Variants in KCNQ3 observed in about 807,000 individuals in gnomAD.
The protein encoded by KCNQ3 is potassium voltage-gated channel subfamily KQT member 3.
Under a neutral mutation model 92.5 loss-of-function variants are expected in KCNQ3, and 30 were observed. That is an observed-to-expected ratio of 0.32 (90% CI 0.24 to 0.44). KCNQ3 has a LOEUF of 0.44. KCNQ3 is among the 20% of genes least tolerant of loss of function. The probability of loss-of-function intolerance (pLI) is 1.00; values close to 1 mark genes in which losing one functional copy is unlikely to be tolerated. For synonymous variants in KCNQ3, 450 were observed against 468.8 expected (o/e 0.96, Z 0.52); for missense variants, 913 against 1,140.3 (o/e 0.80, Z 2.87).
At chr8:132,183,090 C>G (rs1026193578) in intron 3 of KCNQ3, among the ~76,000 whole-genome samples, 3 of 152,192 alleles carry the variant, frequency 2.0e-5, no homozygotes, top group Non-Finnish European at 4.4e-5. Context: ...TCCAGCTCTT[C>G]TCTGAGCTGG....
chr8:132,231,084 C>G (rs915608706), intron 1 of KCNQ3, among the ~76,000 whole-genome samples: 3 of 152,064 alleles, frequency 2.0e-5, no homozygotes, highest in Non-Finnish European at 4.4e-5. Flanking sequence ...GGCCATGCGA[C>G]CAGAATGATG....
At chr8:132,351,402 G>A (rs1377295034) in intron 1 of KCNQ3, among the ~76,000 whole-genome samples, 1 of 152,122 alleles carries the variant, frequency 6.6e-6, no homozygotes, top group Non-Finnish European at 1.5e-5. Context: ...AATCCAAATG[G>A]AAAGCAATCT....
chr8:132,214,127 G>T (rs1233511625), intron 1 of KCNQ3, among the ~76,000 whole-genome samples: 2 of 152,124 alleles, frequency 1.3e-5, no homozygotes, highest in African/African-American at 4.8e-5. Context: ...TCCTGGCTGT[G>T]CCCCCAAATC....
chr8:132,225,701 T>C (rs555876316), intron 1 of KCNQ3, among the ~76,000 whole-genome samples: 2 of 152,250 alleles, frequency 1.3e-5, no homozygotes, highest in South Asian at 4.1e-4. Context: ...AAGTGGCAAA[T>C]GCTATGAATC....
chr8:132,337,679 C>T (rs1818402884), intron 1 of KCNQ3, among the ~76,000 whole-genome samples: 1 of 152,112 alleles, frequency 6.6e-6, no homozygotes, highest in South Asian at 2.1e-4. Context: ...CCCAGACCTG[C>T]CGACCTTGCA....
At chr8:132,130,357 A>G (rs1423453167) in intron 14 of KCNQ3, among the ~76,000 whole-genome samples, 1 of 152,178 alleles carries the variant, frequency 6.6e-6, no homozygotes, top group Non-Finnish European at 1.5e-5. Context: ...GATTACAGGC[A>G]TGAACCACCG....
chr8:132,375,386 T>C (rs1356727645), intron 1 of KCNQ3, among the ~76,000 whole-genome samples: 2 of 152,210 alleles, frequency 1.3e-5, no homozygotes, highest in African/African-American at 4.8e-5. Flanking sequence ...TCTGGTTTAA[T>C]AGGAGACAGC....
intron 9 of KCNQ3, among the ~76,000 whole-genome samples, chr8:132,161,199 T>C (rs1825973808): frequency 6.6e-6 from 1 of 152,278 alleles, no homozygotes; most frequent in South Asian, 2.1e-4. Flanking sequence ...ATTTTTCTTA[T>C]CCCCAATATA....
chr8:132,254,688 G>C (rs1417657500), intron 1 of KCNQ3, among the ~76,000 whole-genome samples: 1 of 152,120 alleles, frequency 6.6e-6, no homozygotes, highest in African/African-American at 2.4e-5. Flanking sequence ...AGACCAGCCT[G>C]GCCAACATAG....
chr8:132,262,963 T>C (rs1815839825), intron 1 of KCNQ3, among the ~76,000 whole-genome samples: 1 of 152,146 alleles, frequency 6.6e-6, no homozygotes, highest in African/African-American at 2.4e-5. Context: ...CTCATTTCAG[T>C]CAAGGGACCT....
At chr8:132,451,367 C>T (rs1821817608) in intron 1 of KCNQ3, among the ~76,000 whole-genome samples, 1 of 152,182 alleles carries the variant, frequency 6.6e-6, no homozygotes, top group Non-Finnish European at 1.5e-5. Context: ...TGAGAACAAA[C>T]TAACACAATC....
At chr8:132,164,599 G>A (rs541713999) in intron 8 of KCNQ3, among the ~76,000 whole-genome samples, 1 of 152,224 alleles carries the variant, frequency 6.6e-6, no homozygotes, top group South Asian at 2.1e-4. Context: ...ACAATAAAGT[G>A]ATGAGTTAGT....
At chr8:132,478,617 C>T (rs910135492) in intron 1 of KCNQ3, among the ~76,000 whole-genome samples, 11 of 145,590 alleles carry the variant, frequency 7.6e-5, no homozygotes, top group African/African-American at 2.1e-4. Context: ...CCCCGACCAA[C>T]ACCTGCAAAT....
intron 1 of KCNQ3, among the ~76,000 whole-genome samples, chr8:132,237,082 C>T (rs1399417400): frequency 6.6e-6 from 1 of 152,206 alleles, no homozygotes; most frequent in East Asian, 1.9e-4. Context: ...GAGAATCTAG[C>T]AATGTTATCC....
At chr8:132,438,777 G>C (rs751359616) in intron 1 of KCNQ3, among the ~76,000 whole-genome samples, 3 of 151,960 alleles carry the variant, frequency 2.0e-5, no homozygotes, top group Non-Finnish European at 4.4e-5. Context: ...GATAGCTGCC[G>C]TGTGTTGTTC....
chr8:132,389,923 A>G (rs1325496056), intron 1 of KCNQ3, among the ~76,000 whole-genome samples: 1 of 152,266 alleles, frequency 6.6e-6, no homozygotes, highest in African/African-American at 2.4e-5. Flanking sequence ...GTACCTAGGT[A>G]CAAACTTTGC....
At chr8:132,267,039 T>C (rs932312402) in intron 1 of KCNQ3, among the ~76,000 whole-genome samples, 3 of 152,172 alleles carry the variant, frequency 2.0e-5, no homozygotes, top group African/African-American at 7.2e-5. Flanking sequence ...GGTGGCTTTA[T>C]AGAAAAGGCT....
At chr8:132,326,885 C>T (rs1818069154) in intron 1 of KCNQ3, among the ~76,000 whole-genome samples, 1 of 152,198 alleles carries the variant, frequency 6.6e-6, no homozygotes, top group Non-Finnish European at 1.5e-5. Context: ...ACTCATTTGC[C>T]TTATCAAAGA....
In KCNQ3 at chr8:132,180,345, G is replaced by A. The variant is rs775960340; in HGVS notation, c.605-16C>T. ...ACAAAGATGTCTGGGAGAGAGGACA[G>A]ACAGAGTGGGAGGGAAGAGGGAAAG... is the stretch of plus-strand genomic sequence containing the variant. On this transcript the variant is annotated splice_polypyrimidine_tract_variant and intron_variant, in intron 3 of 14. Coordinates refer to ENST00000388996, the MANE Select transcript of KCNQ3 (RefSeq NM_004519.4). 5.0e-6 allele frequency: 8 copies of A among 1,613,338 alleles called. No homozygotes were observed. In the Admixed American group the frequency reaches 1.3e-4, roughly 27 times the overall value.
Sources: gnomAD v4.1 joint callset for allele counts (sites outside exome capture counted in the v4.1 genomes callset) on GRCh38, gnomAD v4.1.1 for gene constraint, MANE v1.5 for transcripts, NCBI Gene and HGNC (gene_info 2026-07-23, HGNC 2026-07-21) for gene names.